Variants in ZHX1 observed in about 807,000 individuals in gnomAD.
ZHX1 encodes zinc fingers and homeoboxes 1.
In ZHX1, 20 loss-of-function variants were observed where a neutral mutation model predicts 61.8. That is an observed-to-expected ratio of 0.32 (90% CI 0.23 to 0.47). The LOEUF (loss-of-function observed/expected upper bound fraction) is 0.47. Among genes scored for constraint, ZHX1 ranks in the 20% least tolerant of loss-of-function variants. The probability of loss-of-function intolerance (pLI) is 1.00; values close to 1 mark genes in which losing one functional copy is unlikely to be tolerated. For missense variants in ZHX1, 800 were observed against 1,034.8 expected (o/e 0.77, Z 3.11); for synonymous variants, 318 against 352.6 (o/e 0.90, Z 1.10).
Position 123,248,766 on chromosome 8 carries a change from A to G in ZHX1, c.*1558T>C, listed in dbSNP as rs1825839308. 1 of 152,550 alleles carries G rather than the reference A, an allele frequency of 6.6e-6. No individual in the cohort carries two copies. Among genetic ancestry groups the G allele is most frequent in the Non-Finnish European group, 1.5e-5 (1 of 68,006 alleles). 9.4% of individuals were successfully genotyped at this position (152,550 alleles called of 1,614,324 possible). A position where few individuals can be genotyped will look rare whatever the true frequency, so the allele number is the denominator to read the frequency against. ...AATGTTTATAAAAGGGAGCAATTTA[A>G]TCATTATATTACAGAGTGCTTTAAG... On this transcript the variant is annotated 3_prime_UTR_variant, in exon 4 of 4. Coordinates refer to ENST00000395571, the MANE Select transcript of ZHX1 (RefSeq NM_007222.5).
intron 2 of ZHX1, among the ~76,000 whole-genome samples, chr8:123,259,978 ACC>A (rs1192600842): frequency 6.6e-6 from 1 of 151,854 alleles, no homozygotes; most frequent in South Asian, 2.1e-4. Context: ...CAACAGTGAA[ACC>A]CCGTCTCTAC....
chr8:123,254,689 C>T lies in ZHX1; in HGVS notation c.1258G>A (p.Val420Ile), dbSNP rs770050796. 8.1e-6 allele frequency: 13 copies of T among 1,613,980 alleles called. No individual in the cohort carries two copies. The highest frequency in any genetic ancestry group is 4.4e-5 in the South Asian group (4 of 91,078). ...TAPIALTVAG[V>I]PSQNNIQKSQ... ...TTCTGTATATTATTTTGACTTGGAA[C>T]GCCTGCCACTGTCAAGGCTATAGGT... Residue 420 changes from valine to isoleucine, a missense_variant, in exon 3 of 4, where the codon GTT (valine) becomes ATT (isoleucine). Transcript: ENST00000395571. This position sits in a 1 kb window ranked among gnomAD's most constrained non-coding sequence, Gnocchi z 4.1.
chr8:123,270,669 C>G (rs2131226625), intron 1 of ZHX1, among the ~76,000 whole-genome samples: 1 of 151,302 alleles, frequency 6.6e-6, no homozygotes, highest in Admixed American at 6.6e-5. Flanking sequence ...GACTGTAGTC[C>G]TAGCTACTCA....
At chr8:123,274,880 C>T (rs532083352), upstream of ZHX1, among the ~76,000 whole-genome samples, 1 of 152,222 alleles carries the variant, frequency 6.6e-6, no homozygotes, top group African/African-American at 2.4e-5. Flanking sequence ...ACGCCCATCC[C>T]CTGGGGCGAC....
In ZHX1 at chr8:123,260,615, C is replaced by CA. The variant is rs1173041644; in HGVS notation, c.-225-4445dup. On this transcript the variant is annotated intron_variant, in intron 2 of 3. Coordinates refer to ENST00000395571, the MANE Select transcript of ZHX1 (RefSeq NM_007222.5). ...TCCATCTCAAAAAAAAAACAAAAAA[C>CA]AAAAAAAACCCCACATATATATATA... Among the ~76,000 whole-genome samples, 72 of 150,374 alleles carry CA rather than the reference C, an allele frequency of 4.8e-4. 1 individual carries two copies. Among genetic ancestry groups the CA allele is most frequent in the Admixed American group, 3.3e-3 (50 of 15,090 alleles).
At chr8:123,260,450 T>TA (rs1826212198) in intron 2 of ZHX1, among the ~76,000 whole-genome samples, 1 of 149,874 alleles carries the variant, frequency 6.7e-6, no homozygotes, top group Non-Finnish European at 1.5e-5. Flanking sequence ...AATATAAAAG[T>TA]TAGCCGGGCG....
chr8:123,261,064 C>T (rs1287662551), intron 2 of ZHX1, among the ~76,000 whole-genome samples: 2 of 152,050 alleles, frequency 1.3e-5, no homozygotes, highest in Middle Eastern at 3.2e-3. Context: ...TGTCAGGTCC[C>T]CATGATTTTG....
intron 2 of ZHX1, among the ~76,000 whole-genome samples, chr8:123,260,730 T>A (rs188214580): frequency 6.6e-6 from 1 of 152,224 alleles, no homozygotes; most frequent in East Asian, 1.9e-4. Flanking sequence ...AAACTCATCT[T>A]GAGAGGACAG....
At chr8:123,252,637 G>A (rs1280075639) in intron 3 of ZHX1, 5 of 152,018 alleles carry the variant, frequency 3.3e-5, no homozygotes, top group African/African-American at 7.2e-5. Flanking sequence ...GACAGATGCC[G>A]CCTAAGCAAA....
intron 3 of ZHX1, among the ~76,000 whole-genome samples, chr8:123,251,710 C>T (rs967642156): frequency 2.0e-5 from 3 of 152,124 alleles, no homozygotes; most frequent in African/African-American, 4.8e-5. Flanking sequence ...CAGAAGAAAG[C>T]CTGCTCTGAA....
At position 123,248,812 on chromosome 8, in the gene ZHX1, GA is replaced by G. The variant is rs5894657; in HGVS notation, c.*1511del. The G allele has an allele frequency of 0.097, 13,523 of 140,044 alleles. 1,955 individuals are homozygous for G. Among genetic ancestry groups the G allele is most frequent in the African/African-American group, 0.32 (12,696 of 39,440 alleles). The allele number at this position is 140,044 out of a possible 1,614,324, so 8.7% of individuals were successfully genotyped here. A position where few individuals can be genotyped will look rare whatever the true frequency, so the allele number is the denominator to read the frequency against. ...TTAAGAAGTTTTTAAACGTGTAAAA[GA>G]AAAAAAAAAAGCTTAGTGCATTACG... On this transcript the variant is annotated 3_prime_UTR_variant, in exon 4 of 4. Coordinates refer to ENST00000395571, the MANE Select transcript of ZHX1 (RefSeq NM_007222.5).
chr8:123,253,944 G>T lies in ZHX1; in HGVS notation c.2003C>A (p.Thr668Lys). ...CTTAAGCATGTGCAGCTGCTCAGGT[G>T]TTTTTTTACATATCTTGCCTGTACT... ...SGSTGKICKK[T>K]PEQLHMLKSA... The change falls in exon 3 of 4, where the codon ACA becomes AAA. Residue 668 changes from threonine to lysine, a missense_variant. Coordinates refer to ENST00000395571, the MANE Select transcript of ZHX1 (RefSeq NM_007222.5). The T allele has an allele frequency of 6.2e-7, 1 of 1,614,122 alleles. No individual in the cohort carries two copies. The highest frequency in any genetic ancestry group is 8.5e-7 in the Non-Finnish European group (1 of 1,180,024).
chr8:123,261,088 G>A (rs931035629), intron 2 of ZHX1, among the ~76,000 whole-genome samples: 1 of 152,112 alleles, frequency 6.6e-6, no homozygotes, highest in Non-Finnish European at 1.5e-5. Context: ...ACAAAAGTAA[G>A]GTCAGTGTAT....
chr8:123,260,157 CAAAAAAAG>C (rs1176594738), intron 2 of ZHX1, among the ~76,000 whole-genome samples: 2 of 148,412 alleles, frequency 1.3e-5, no homozygotes, highest in African/African-American at 5.0e-5. Context: ...GACTCTGTCT[CAAAAAAAG>C]AAAAAAAGAA....
upstream of ZHX1, chr8:123,274,568 C>G (rs1442382452): frequency 6.6e-6 from 1 of 152,316 alleles, no homozygotes; most frequent in Non-Finnish European, 1.5e-5. Context: ...ACCCCGGCCC[C>G]TAGTCCGGGG....
intron 2 of ZHX1, among the ~76,000 whole-genome samples, chr8:123,262,134 A>G (rs1826292389): frequency 6.6e-6 from 1 of 152,204 alleles, no homozygotes; most frequent in Non-Finnish European, 1.5e-5. Flanking sequence ...AAACACAATT[A>G]AAATTAAGTT....
chr8:123,269,404 T>C (rs1323037110), intron 1 of ZHX1, among the ~76,000 whole-genome samples: 1 of 152,244 alleles, frequency 6.6e-6, no homozygotes, highest in Non-Finnish European at 1.5e-5. Flanking sequence ...AAGTTCCTGA[T>C]ACTGGGATTA....
At chr8:123,257,703 G>T (rs1342579288) in intron 2 of ZHX1, among the ~76,000 whole-genome samples, 2 of 152,210 alleles carry the variant, frequency 1.3e-5, no homozygotes, top group Non-Finnish European at 2.9e-5. Context: ...CAATAGGGTT[G>T]TGCTCCTATG....
intron 2 of ZHX1, chr8:123,262,790 G>A (rs1826316568): frequency 6.6e-6 from 1 of 152,040 alleles, no homozygotes; most frequent in African/African-American, 2.4e-5. Flanking sequence ...CTGGAAACAA[G>A]GTTTCTTTTC....
Sources: gnomAD v4.1 joint callset for allele counts (sites outside exome capture counted in the v4.1 genomes callset) on GRCh38, gnomAD v4.1.1 for gene constraint, Gnocchi (gnomAD v3.1) non-coding constraint, MANE v1.5 for transcripts, NCBI Gene and HGNC (gene_info 2026-07-23, HGNC 2026-07-21) for gene names.